NCALD: variants seen among roughly 807,000 people sequenced by gnomAD.
The protein encoded by NCALD is neurocalcin-delta.
Under a neutral mutation model 18.6 loss-of-function variants are expected in NCALD, and 10 were observed. The ratio of observed to expected loss-of-function variants is 0.54; its 90% confidence interval spans 0.33 to 0.91. The LOEUF (loss-of-function observed/expected upper bound fraction) is 0.91, where lower values mean the gene tolerates loss of function less well. Ranked by LOEUF, NCALD falls within the 40% of genes least tolerant of loss-of-function variation. NCALD has a pLI of 0.03. For missense variants in NCALD, 184 were observed against 247.6 expected (o/e 0.74, Z 1.72); for synonymous variants, 88 against 87.4 (o/e 1.01, Z -0.04).
At chr8:101,691,902 G>A in intron 3 of NCALD, 1 of 985,438 alleles carries the variant, frequency 1.0e-6, no homozygotes, top group East Asian at 1.1e-4. Flanking sequence ...GATCGGGTGA[G>A]CTGATAATAA....
At chr8:101,727,120 T>C (rs949155963) in intron 1 of NCALD, among the ~76,000 whole-genome samples, 2 of 152,190 alleles carry the variant, frequency 1.3e-5, no homozygotes, top group Non-Finnish European at 2.9e-5. Context: ...CTTGGTATTT[T>C]CTCTGAATCT....
chr8:101,977,029 A>G (rs577819014), intron 2 of NCALD, among the ~76,000 whole-genome samples: 2 of 152,302 alleles, frequency 1.3e-5, no homozygotes, highest in African/African-American at 4.8e-5. Flanking sequence ...TCATCTCACC[A>G]TGATCTTTTC....
intron 1 of NCALD, among the ~76,000 whole-genome samples, chr8:101,747,866 C>T (rs893392908): frequency 7.2e-5 from 11 of 151,966 alleles, no homozygotes; most frequent in South Asian, 2.1e-4. Context: ...TACAGGTGCC[C>T]GCCACAACAC....
chr8:101,966,177 T>C (rs1430843040), intron 2 of NCALD, among the ~76,000 whole-genome samples: 1 of 148,910 alleles, frequency 6.7e-6, no homozygotes, highest in Non-Finnish European at 1.5e-5. Context: ...TCAATGGCAA[T>C]CAAAGCAAAA....
chr8:102,077,705 G>A (rs1824393501), intron 1 of NCALD, among the ~76,000 whole-genome samples: 1 of 152,218 alleles, frequency 6.6e-6, no homozygotes, highest in African/African-American at 2.4e-5. Context: ...ATTGGGCCAA[G>A]GACAGACAGC....
rs191773608 is a variant in NCALD, at chr8:101,982,828, G to A, written c.-157+37409C>T. ...TGCACTCCAGCCTGGGCGACAGAGC[G>A]AGACCCCATCTCAAAAAAAAAAAAA... On this transcript the variant is annotated intron_variant, in intron 2 of 6. Transcript: ENST00000311028. Among the ~76,000 whole-genome samples the A allele has an allele frequency of 2.7e-3, 389 of 144,624 alleles. 4 individuals carry two copies. Among genetic ancestry groups the A allele is most frequent in the African/African-American group, 9.9e-3 (364 of 36,736 alleles). The allele number at this position is 144,624 out of a possible 152,430, so 94.9% of individuals were successfully genotyped here. A position where few individuals can be genotyped will look rare whatever the true frequency, so the allele number is the denominator to read the frequency against.
intron 1 of NCALD, among the ~76,000 whole-genome samples, chr8:101,784,224 C>T (rs192912816): frequency 2.0e-5 from 3 of 152,130 alleles, no homozygotes; most frequent in East Asian, 1.9e-4. Flanking sequence ...TGCTGGATGT[C>T]GGCTGAGACT....
intron 1 of NCALD, among the ~76,000 whole-genome samples, chr8:101,749,598 A>T (rs533392145): frequency 6.6e-6 from 1 of 152,276 alleles, no homozygotes; most frequent in East Asian, 1.9e-4. Context: ...TGAGTACATG[A>T]TATACAAGGT....
intron 4 of NCALD, among the ~76,000 whole-genome samples, chr8:101,817,609 T>C (rs1813550314): frequency 6.6e-6 from 1 of 150,888 alleles, no homozygotes; most frequent in South Asian, 2.1e-4. Context: ...AATTGATAGA[T>C]ACATTTTACT....
At chr8:101,999,896 G>T (rs1821384451) in intron 2 of NCALD, among the ~76,000 whole-genome samples, 1 of 152,138 alleles carries the variant, frequency 6.6e-6, no homozygotes. Flanking sequence ...AAACTGGAGA[G>T]TTGGGGGTGG....
At chr8:101,701,973 G>C (rs1815289052) in intron 2 of NCALD, among the ~76,000 whole-genome samples, 1 of 152,148 alleles carries the variant, frequency 6.6e-6, no homozygotes, top group African/African-American at 2.4e-5. Flanking sequence ...TTCTCATTTA[G>C]AGCTAGAAGA....
chr8:102,072,550 C>A (rs529517947), intron 1 of NCALD, among the ~76,000 whole-genome samples: 1 of 151,914 alleles, frequency 6.6e-6, no homozygotes. Context: ...TTGGGCCCTC[C>A]GCTACTTAGA....
At chr8:101,974,981 C>T (rs1187510827) in intron 2 of NCALD, among the ~76,000 whole-genome samples, 1 of 152,166 alleles carries the variant, frequency 6.6e-6, no homozygotes, top group Non-Finnish European at 1.5e-5. Flanking sequence ...CACCATAGAA[C>T]ATTTGAGCAA....
intron 1 of NCALD, among the ~76,000 whole-genome samples, chr8:101,736,252 T>C (rs1809910017): frequency 6.6e-6 from 1 of 152,198 alleles, no homozygotes; most frequent in Non-Finnish European, 1.5e-5. Flanking sequence ...CCTGTTCGTA[T>C]CCCTTTAGTG....
chr8:101,719,621 T>C lies in NCALD; in HGVS notation c.9A>G (p.Lys3=), dbSNP rs1234511503. The C allele has an allele frequency of 3.2e-6, 5 of 1,572,734 alleles. No homozygotes were observed. Among genetic ancestry groups the C allele is most frequent in the South Asian group, 1.2e-5 (1 of 84,596 alleles). ...CCTCCGGGCGCAGCTTGCTGTTCTG[T>C]TTCCCCATCCTGGCGGCAAGAATTC... MG[K]QNSKLRPEVM... is the part of the protein sequence containing the mutation. The change falls in exon 2 of 4, where the codon AAA becomes AAG. Residue 3 remains lysine, a synonymous_variant. Coordinates refer to ENST00000220931, the MANE Select transcript of NCALD (RefSeq NM_032041.3).
At chr8:101,935,187 A>AT (rs879311949) in intron 2 of NCALD, among the ~76,000 whole-genome samples, 68 of 152,140 alleles carry the variant, frequency 4.5e-4, no homozygotes, top group Non-Finnish European at 8.8e-4. Flanking sequence ...GCAAAAAAAA[A>AT]ATATAGGTGA....
At chr8:102,000,207 A>T (rs912861963) in intron 2 of NCALD, among the ~76,000 whole-genome samples, 3 of 152,192 alleles carry the variant, frequency 2.0e-5, no homozygotes, top group Non-Finnish European at 2.9e-5. Context: ...GTCTTAGCAA[A>T]CAGCACACCA....
intron 3 of NCALD, among the ~76,000 whole-genome samples, chr8:101,894,380 T>C (rs1215783277): frequency 7.8e-6 from 1 of 127,842 alleles, no homozygotes; most frequent in Non-Finnish European, 1.6e-5. Context: ...GAGGGAAATT[T>C]ATAGCACTAA....
intron 2 of NCALD, among the ~76,000 whole-genome samples, chr8:101,711,921 C>G (rs1815814470): frequency 6.6e-6 from 1 of 152,102 alleles, no homozygotes; most frequent in Non-Finnish European, 1.5e-5. Context: ...ATACAGAGAA[C>G]ACCACAAAGA....
Sources: gnomAD v4.1 joint callset for allele counts (sites outside exome capture counted in the v4.1 genomes callset) on GRCh38, gnomAD v4.1.1 for gene constraint, MANE v1.5 for transcripts, NCBI Gene and HGNC (gene_info 2026-07-23, HGNC 2026-07-21) for gene names.